DGKZ: variants seen among roughly 807,000 people sequenced by gnomAD.
DGKZ encodes DAG kinase zeta.
A neutral mutation model predicts 142.5 loss-of-function variants in DGKZ; 45 were observed. That is an observed-to-expected ratio of 0.32 (90% CI 0.25 to 0.40). The LOEUF is 0.40. Among genes scored for constraint, DGKZ ranks in the 10% least tolerant of loss-of-function variants. The probability of loss-of-function intolerance (pLI) is 1.00; values close to 1 mark genes in which losing one functional copy is unlikely to be tolerated. For missense variants in DGKZ, 755 were observed against 1,306.5 expected, an observed-to-expected ratio of 0.58 and a Z score of 6.51; for synonymous variants, 442 against 527.0, an observed-to-expected ratio of 0.84 and a Z score of 2.21.
At chr11:46,347,405 C>T, upstream of DGKZ, 8 of 983,366 alleles carry the variant, frequency 8.1e-6, no homozygotes, top group Non-Finnish European at 9.7e-6. This position sits in a 1 kb window ranked among gnomAD's most constrained non-coding sequence, Gnocchi z 6.4. Context: ...GGGGCGTGCT[C>T]GGCGGCGGGC....
intron 1 of DGKZ, chr11:46,366,189 G>A: frequency 1.4e-6 from 2 of 1,475,400 alleles, no homozygotes; most frequent in East Asian, 4.8e-5. Context: ...CCCGGACACA[G>A]GACAGACCGT....
At chr11:46,378,811 G>A in intron 27 of DGKZ, 180 bp from the exon 28 acceptor site, 2 of 1,090,222 alleles carry the variant, frequency 1.8e-6, no homozygotes, top group South Asian at 1.4e-5. Context: ...AGGCTGTGGG[G>A]TGAGAGGCCC....
At chr11:46,380,317 T>A (rs1945074506), downstream of DGKZ, 3 of 167,566 alleles carry the variant, frequency 1.8e-5, no homozygotes, top group Non-Finnish European at 3.9e-5. Flanking sequence ...CCCCCTGGTC[T>A]TCGGCCGGGT....
intron 28 of DGKZ, 29 bp downstream of exon 28, chr11:46,379,140 G>A: frequency 1.2e-6 from 2 of 1,611,052 alleles, no homozygotes; most frequent in Non-Finnish European, 1.7e-6. Context: ...CCCAGGGCCT[G>A]GGGCCAAGGT....
At chr11:46,376,265 C>T (rs905240622) in intron 22 of DGKZ, 63 bp from the exon 23 acceptor site, 2 of 1,610,376 alleles carry the variant, frequency 1.2e-6, no homozygotes, top group Admixed American at 3.3e-5. Flanking sequence ...TCCCCCTACT[C>T]CAAGTTCCCT....
rs776695642 is a variant in DGKZ at position 46,347,715 on chromosome 11, C to G, written c.56C>G (p.Ser19Cys). The change falls in exon 1 of 31, where the codon TCC (serine) becomes TGC (cysteine). Residue 19 changes from serine (S) to cysteine (C), a missense_variant. Physicochemically the swap from Ser to Cys is moderately radical, Grantham distance 112 (BLOSUM62 -1). Around this residue, in one of 8 missense-constraint regions of DGKZ, gnomAD observed 28 missense variants for 92.8 expected, o/e 0.30. Transcript: ENST00000527911. This position sits in a 1 kb window ranked among gnomAD's most constrained non-coding sequence, Gnocchi z 6.4. ...CGGAGCAGCGACTCCGAGTCGGCTT[C>G]CGCCTCGTCCAGCGGCTCCGAGCGC... The G allele has an allele frequency of 6.8e-7, 1 of 1,460,198 alleles. No homozygotes were observed. Among genetic ancestry groups the G allele is most frequent in the African/African-American group, 1.5e-5 (1 of 67,890 alleles). The allele number at this position is 1,460,198 out of a possible 1,614,324, so 90.5% of individuals were successfully genotyped here. A position where few individuals can be genotyped will look rare whatever the true frequency, so the allele number is the denominator to read the frequency against.
At chr11:46,346,268 T>A (rs1940602258), upstream of DGKZ, among the ~76,000 whole-genome samples, 2 of 152,182 alleles carry the variant, frequency 1.3e-5, no homozygotes, top group African/African-American at 4.8e-5. Flanking sequence ...AAAGCGAAGG[T>A]GACACAGGAT....
chr11:46,374,346 C>T, intron 15 of DGKZ, 53 bp from the exon 16 acceptor site: 1 of 1,613,406 alleles, frequency 6.2e-7, no homozygotes, highest in Non-Finnish European at 8.5e-7. Flanking sequence ...CCCCCAACCC[C>T]ACCTGGGCAG....
At chr11:46,352,762 G>A (rs1941567400) in intron 1 of DGKZ, among the ~76,000 whole-genome samples, 2 of 152,204 alleles carry the variant, frequency 1.3e-5, no homozygotes. Flanking sequence ...GAGTTCCTGG[G>A]CCACCCCTGA....
intron 15 of DGKZ, 77 bp downstream of exon 15, chr11:46,374,312 A>C: frequency 2.5e-6 from 4 of 1,612,250 alleles, no homozygotes; most frequent in Non-Finnish European, 3.4e-6. Context: ...TGCTCCCGCC[A>C]GTGAAGGCAT....
chr11:46,370,520 A>C (rs563157715), intron 6 of DGKZ, among the ~76,000 whole-genome samples: 1 of 152,322 alleles, frequency 6.6e-6, no homozygotes, highest in East Asian at 1.9e-4. Context: ...GGCCCACTGC[A>C]GGCCTTTCAT....
intron 1 of DGKZ, among the ~76,000 whole-genome samples, chr11:46,356,830 A>T (rs1192873156): frequency 6.6e-6 from 1 of 152,172 alleles, no homozygotes; most frequent in Admixed American, 6.5e-5. Context: ...GGCCATGGGG[A>T]TAAGAATACC....
chr11:46,354,550 T>C (rs980045777), intron 1 of DGKZ, among the ~76,000 whole-genome samples: 9 of 152,226 alleles, frequency 5.9e-5, no homozygotes, highest in Non-Finnish European at 1.0e-4. Context: ...ATTAAATATC[T>C]TGGCGTTAGA....
chr11:46,379,543 C>T, exon 30 of DGKZ: 1 of 1,610,812 alleles, frequency 6.2e-7, no homozygotes, highest in Non-Finnish European at 8.5e-7. Context: ...GAGGCCGGGG[C>T]CTCGCTCATG....
At chr11:46,376,287 C>A in intron 22 of DGKZ, 41 bp from the exon 23 acceptor site, 1 of 1,612,582 alleles carries the variant, frequency 6.2e-7, no homozygotes, top group Non-Finnish European at 8.5e-7. Context: ...CCCTCCCTGG[C>A]CCCCACTCTA....
chr11:46,345,383 G>C, upstream of DGKZ: 5 of 1,405,650 alleles, frequency 3.6e-6, no homozygotes, highest in South Asian at 3.1e-5. This position sits in a 1 kb window ranked among gnomAD's most constrained non-coding sequence, Gnocchi z 4.1. Context: ...AGGAAGTGCC[G>C]AAAGAGGAAG....
chr11:46,369,572 G>A, intron 5 of DGKZ, 22 bp downstream of exon 5: 2 of 1,612,022 alleles, frequency 1.2e-6, no homozygotes, highest in South Asian at 1.1e-5. Context: ...GGGTGGTCAG[G>A]GATGGGGCCA....
At chr11:46,341,196 T>C (rs923132557) in intron 1 of DGKZ, among the ~76,000 whole-genome samples, 4 of 151,976 alleles carry the variant, frequency 2.6e-5, no homozygotes, top group Admixed American at 2.6e-4. Context: ...AAGAAGCCAG[T>C]CTCCCTCCCT....
chr11:46,360,424 A>G (rs1039048154), intron 1 of DGKZ, among the ~76,000 whole-genome samples: 1 of 150,998 alleles, frequency 6.6e-6, no homozygotes. Context: ...TGCTGAACAC[A>G]TGGAGGTTCC....
Sources: allele counts gnomAD v4.1 joint callset (sites outside exome capture counted in the v4.1 genomes callset), GRCh38; gene constraint gnomAD v4.1.1; regional missense constraint gnomAD v4.1.1; non-coding constraint Gnocchi (gnomAD v3.1); transcripts MANE v1.5; gene names NCBI Gene and HGNC (gene_info 2026-07-23, HGNC 2026-07-21).